MARK4: variants seen among roughly 807,000 people sequenced by gnomAD.
MARK4 encodes MAP/microtubule affinity-regulating kinase 4.
Under a neutral mutation model 81.5 loss-of-function variants are expected in MARK4, and 19 were observed. The observed-to-expected ratio is 0.23, with a 90% CI of 0.16 to 0.34. The LOEUF (loss-of-function observed/expected upper bound fraction) is 0.34, where lower values mean the gene tolerates loss of function less well. Ranked by LOEUF, MARK4 falls within the 10% of genes least tolerant of loss-of-function variation. The pLI is 1.00. For missense variants in MARK4, 772 were observed against 1,058.8 expected (o/e 0.73, Z 3.76); for synonymous variants, 436 against 439.0 (o/e 0.99, Z 0.08).
At position 45,280,753 on chromosome 19, in the gene MARK4, C is replaced by T. The variant is rs1193859875; in HGVS notation, c.1276+19C>T. The T allele has an allele frequency of 6.2e-7, 1 of 1,611,972 alleles. No individual in the cohort carries two copies. ...GATTTCTGTGAGTATCAACCCCACGCCCTCACGCACCCTCCTTCTCCCCAA... is the reference window on the plus strand; with the variant it reads ...GATTTCTGTGAGTATCAACCCCACGTCCTCACGCACCCTCCTTCTCCCCAA... On this transcript the variant is annotated intron_variant, in intron 12 of 16. Coordinates refer to ENST00000262891, the MANE Select transcript of MARK4 (RefSeq NM_001199867.2).
chr19:45,270,742 G>T (rs943129207), intron 7 of MARK4, among the ~76,000 whole-genome samples: 42 of 151,918 alleles, frequency 2.8e-4, no homozygotes, highest in African/African-American at 9.9e-4. Flanking sequence ...TGGGACTACT[G>T]GCGCACACCA....
chr19:45,274,285 G>A (rs1357278484), intron 8 of MARK4, among the ~76,000 whole-genome samples: 1 of 151,588 alleles, frequency 6.6e-6, no homozygotes, highest in East Asian at 2.0e-4. Flanking sequence ...CCAACCTTGT[G>A]GCAGTGATTT....
chr19:45,287,202 CAAAAAA>C (rs139216602), intron 12 of MARK4, among the ~76,000 whole-genome samples: 1 of 65,518 alleles, frequency 1.5e-5, no homozygotes, highest in Non-Finnish European at 3.2e-5. Flanking sequence ...GACTTTGTCT[CAAAAAA>C]AAAAAAAAAA....
chr19:45,300,246 G>T (rs1970949796), intron 16 of MARK4, among the ~76,000 whole-genome samples: 1 of 150,200 alleles, frequency 6.7e-6, no homozygotes, highest in African/African-American at 2.4e-5. Context: ...TCGGGAGGCT[G>T]AGGCAGGAGA....
intron 1 of MARK4, among the ~76,000 whole-genome samples, chr19:45,253,291 T>C (rs1474784639): frequency 6.6e-6 from 1 of 151,858 alleles, no homozygotes; most frequent in Non-Finnish European, 1.5e-5. Flanking sequence ...GGGCCAGAAC[T>C]CCAATTTGGA....
At chr19:45,256,994 C>T (rs551257809) in intron 1 of MARK4, among the ~76,000 whole-genome samples, 17 of 152,182 alleles carry the variant, frequency 1.1e-4, no homozygotes, top group African/African-American at 3.6e-4. Flanking sequence ...TGCTCTGTTG[C>T]CCAGGCTGGA....
At chr19:45,270,115 A>G (rs1482715428) in intron 7 of MARK4, among the ~76,000 whole-genome samples, 1 of 152,118 alleles carries the variant, frequency 6.6e-6, no homozygotes, top group Non-Finnish European at 1.5e-5. Context: ...GGCGTGAGCT[A>G]CCGCGCCCGG....
At chr19:45,298,613 G>A (rs1970924306) in intron 15 of MARK4, among the ~76,000 whole-genome samples, 1 of 152,174 alleles carries the variant, frequency 6.6e-6, no homozygotes, top group African/African-American at 2.4e-5. Flanking sequence ...AGCCCCTACT[G>A]TGTGCCTGGC....
At position 45,255,559 on chromosome 19, in the gene MARK4, CAA is replaced by C. The variant is rs34066317; in HGVS notation, c.52-3407_52-3406del. ...CTGGGCAACAAGAGTGAAACTCTGC[CAA>C]AAAAAAAAAAAAAAAAAAAAAATAC... On this transcript the variant is annotated intron_variant, in intron 1 of 16. Coordinates refer to ENST00000262891, the MANE Select transcript of MARK4 (RefSeq NM_001199867.2). Among the ~76,000 whole-genome samples the C allele has an allele frequency of 5.8e-3, 525 of 90,240 alleles. 7 individuals are homozygous for C. The highest frequency in any genetic ancestry group is 0.025 in the African/African-American group (467 of 18,976). The allele number at this position is 90,240 out of a possible 152,430, so 59.2% of individuals were successfully genotyped here.
Position 45,277,943 on chromosome 19 carries a change from C to CA in MARK4, c.808dup (p.Arg270LysfsTer15). On this transcript the variant is annotated frameshift_variant, in exon 9 of 17. Transcript: ENST00000262891. LOFTEE classifies it high-confidence loss of function. ...TGCAGGAGCTGCGGGAGCGAGTACT[C>CA]AGAGGGAAGTACCGGGTCCCTTTCT... The CA allele has an allele frequency of 6.2e-7, 1 of 1,613,422 alleles. No individual in the cohort carries two copies. Among genetic ancestry groups the CA allele is most frequent in the Non-Finnish European group, 8.5e-7 (1 of 1,179,846 alleles).
intron 14 of MARK4, 32 bp downstream of exon 14, chr19:45,294,484 G>A: frequency 6.3e-7 from 1 of 1,579,914 alleles, no homozygotes; most frequent in Non-Finnish European, 8.7e-7. Flanking sequence ...GGTGAGGGGT[G>A]GGAAGTAGGG....
chr19:45,282,107 C>A (rs1443838897), intron 12 of MARK4, among the ~76,000 whole-genome samples: 1 of 151,844 alleles, frequency 6.6e-6, no homozygotes, highest in Admixed American at 6.6e-5. Context: ...CCTATAATCC[C>A]AGCTACTCGG....
chr19:45,278,213 G>A (rs1970626498), intron 9 of MARK4, among the ~76,000 whole-genome samples, 171 bp downstream of exon 9: 1 of 152,030 alleles, frequency 6.6e-6, no homozygotes, highest in South Asian at 2.1e-4. Context: ...AAAGCTCCCA[G>A]GCCTGTCCTG....
intron 1 of MARK4, among the ~76,000 whole-genome samples, chr19:45,253,320 C>T (rs1030289671): frequency 6.6e-6 from 1 of 152,154 alleles, no homozygotes; most frequent in Non-Finnish European, 1.5e-5. Context: ...AAATGCCTAC[C>T]ACCTCTGTTC....
At chr19:45,300,818 G>A (rs1344947276) in intron 16 of MARK4, among the ~76,000 whole-genome samples, 1 of 151,936 alleles carries the variant, frequency 6.6e-6, no homozygotes, top group South Asian at 2.1e-4. Flanking sequence ...GAGAGGAGAA[G>A]TACTCTGGTT....
intron 2 of MARK4, among the ~76,000 whole-genome samples, chr19:45,259,690 G>A (rs938652186): frequency 6.6e-6 from 1 of 151,970 alleles, no homozygotes; most frequent in East Asian, 1.9e-4. Context: ...CGGGAGGATC[G>A]CTTGAGCTCA....
chr19:45,280,029 G>A (rs928414471), intron 10 of MARK4: 1 of 293,290 alleles, frequency 3.4e-6, no homozygotes, highest in African/African-American at 2.2e-5. Flanking sequence ...AGGTCAAAGA[G>A]CAGACACCAG....
rs781113840 is a variant in MARK4 at position 45,271,443 on chromosome 19, C to CT, written c.550-26dup. Reference sequence around the variant, plus strand: ...TGAAAGGCTTTGGCCTTGAGTCCCACTTTCCGCCCTCTCCTTCTCTCCCTG... The same window carrying CT: ...TGAAAGGCTTTGGCCTTGAGTCCCACTTTTCCGCCCTCTCCTTCTCTCCCTG... On this transcript the variant is annotated intron_variant, in intron 7 of 16. Coordinates refer to ENST00000262891, the MANE Select transcript of MARK4 (RefSeq NM_001199867.2). This position sits in a 1 kb window ranked among gnomAD's most constrained non-coding sequence, Gnocchi z 4.1. 4.4e-6 allele frequency: 7 copies of CT among 1,607,280 alleles called. No homozygotes were observed. In the East Asian group the frequency reaches 1.6e-4, roughly 36 times the overall value.
chr19:45,272,697 G>A (rs1415965863), intron 8 of MARK4, among the ~76,000 whole-genome samples: 1 of 151,922 alleles, frequency 6.6e-6, no homozygotes, highest in Non-Finnish European at 1.5e-5. Flanking sequence ...AGACCAGCCT[G>A]GCCAACATGG....
Sources: allele counts gnomAD v4.1 joint callset (sites outside exome capture counted in the v4.1 genomes callset), GRCh38; gene constraint gnomAD v4.1.1; non-coding constraint Gnocchi (gnomAD v3.1); transcripts MANE v1.5; gene names NCBI Gene and HGNC (gene_info 2026-07-23, HGNC 2026-07-21).